Variants in FAM120B observed in about 807,000 individuals in gnomAD.
FAM120B encodes the protein family with sequence similarity 120 member B.
Under a neutral mutation model 96.3 loss-of-function variants are expected in FAM120B, and 83 were observed. The ratio of observed to expected loss-of-function variants is 0.86; its 90% CI spans 0.72 to 1.03. The LOEUF is 1.03. FAM120B is among the 50% of genes least tolerant of loss of function. FAM120B has a pLI of 0.00. For synonymous variants in FAM120B, 407 were observed against 402.7 expected (o/e 1.01, Z -0.13); for missense variants, 1,027 against 1,121.2 (o/e 0.92, Z 1.20).
intron 5 of FAM120B, among the ~76,000 whole-genome samples, chr6:170,355,420 C>G (rs1314027443): frequency 6.6e-6 from 1 of 152,122 alleles, no homozygotes; most frequent in Non-Finnish European, 1.5e-5. Flanking sequence ...TTTGCAGGGA[C>G]ATGGATGGAG....
intron 6 of FAM120B, among the ~76,000 whole-genome samples, chr6:170,368,399 C>G (rs1488118626): frequency 6.6e-6 from 1 of 152,166 alleles, no homozygotes; most frequent in Non-Finnish European, 1.5e-5. Flanking sequence ...CTCAGTGCTG[C>G]TCTTGGTGAA....
intron 6 of FAM120B, among the ~76,000 whole-genome samples, chr6:170,372,890 T>C (rs1433245896): frequency 6.6e-6 from 1 of 152,250 alleles, no homozygotes; most frequent in Non-Finnish European, 1.5e-5. Context: ...TTATTTTTGC[T>C]GTTTTGTTTA....
chr6:170,383,148 A>C (rs1790010994), intron 6 of FAM120B, among the ~76,000 whole-genome samples: 1 of 152,128 alleles, frequency 6.6e-6, no homozygotes, highest in Non-Finnish European at 1.5e-5. Context: ...CACTTTTGTA[A>C]AATTAACTCA....
Position 170,388,309 on chromosome 6 carries a change from C to T in FAM120B, c.2306C>T (p.Ala769Val), listed in dbSNP as rs777976536. ...CAGCCTGATTACATCAACCCCAGAG[C>T]CGTGCAGCTGGGCTCCCTTCTCGTC... is the stretch of plus-strand genomic sequence containing the variant. ...NLQPDYINPR[A>V]VQLGSLLVRG... Residue 769 changes from alanine to valine, a missense_variant, in exon 7 of 11, where the codon GCC becomes GTC. Ala to Val is a moderately conservative substitution (Grantham distance 64). Coordinates refer to ENST00000476287, the MANE Select transcript of FAM120B (RefSeq NM_032448.3). 1 of 1,613,962 alleles carries T rather than the reference C, an allele frequency of 6.2e-7. No homozygotes were observed. Among genetic ancestry groups the T allele is most frequent in the Non-Finnish European group, 8.5e-7 (1 of 1,180,030 alleles).
chr6:170,290,967 C>T (rs1182382453), upstream of FAM120B: 1 of 701,132 alleles, frequency 1.4e-6, no homozygotes, highest in Non-Finnish European at 2.6e-6. The surrounding 1 kb of genome is among the most constrained non-coding windows in gnomAD (Gnocchi z 4.7). Context: ...ATTCAGCCGG[C>T]CGCCCGCATG....
chr6:170,372,160 T>G (rs1278085958), intron 6 of FAM120B, among the ~76,000 whole-genome samples: 8 of 152,186 alleles, frequency 5.3e-5, no homozygotes, highest in Non-Finnish European at 8.8e-5. Context: ...AGAACATGGT[T>G]CATGCGGTCT....
intron 1 of FAM120B, among the ~76,000 whole-genome samples, chr6:170,296,474 G>A (rs1013839563): frequency 6.6e-6 from 1 of 151,840 alleles, no homozygotes; most frequent in Non-Finnish European, 1.5e-5. Context: ...GGCCCTCCCG[G>A]TGGACCCCAG....
intron 6 of FAM120B, among the ~76,000 whole-genome samples, chr6:170,387,907 G>A (rs1195697791): frequency 6.6e-6 from 1 of 152,224 alleles, no homozygotes; most frequent in African/African-American, 2.4e-5. Context: ...GATCATGTGA[G>A]CTTTTTCCTA....
At chr6:170,313,265 A>G (rs1784702752) in intron 1 of FAM120B, among the ~76,000 whole-genome samples, 2 of 152,150 alleles carry the variant, frequency 1.3e-5, no homozygotes, top group Non-Finnish European at 2.9e-5. Flanking sequence ...GTTCTCACCC[A>G]ACTGGTGTTT....
At chr6:170,355,801 A>G (rs1228048503) in intron 5 of FAM120B, among the ~76,000 whole-genome samples, 1 of 152,208 alleles carries the variant, frequency 6.6e-6, no homozygotes, top group African/African-American at 2.4e-5. Flanking sequence ...CTATTGGTTA[A>G]TATTTTCTAT....
intron 8 of FAM120B, among the ~76,000 whole-genome samples, chr6:170,392,633 T>C (rs889200463): frequency 1.3e-5 from 2 of 152,242 alleles, no homozygotes; most frequent in African/African-American, 4.8e-5. Context: ...ATTATTTTTC[T>C]TGATGGAATA....
chr6:170,340,866 C>G (rs1270053202), intron 4 of FAM120B, among the ~76,000 whole-genome samples: 1 of 152,166 alleles, frequency 6.6e-6, no homozygotes, highest in Non-Finnish European at 1.5e-5. Flanking sequence ...GAAGCTTCCT[C>G]CTAAAGGGGC....
chr6:170,388,532 C>A, intron 7 of FAM120B, 39 bp downstream of exon 7: 1 of 1,546,680 alleles, frequency 6.5e-7, no homozygotes, highest in South Asian at 1.1e-5. Flanking sequence ...AGAAACATCC[C>A]TGTAGCTCCA....
At chr6:170,368,814 C>T (rs1214412622) in intron 6 of FAM120B, among the ~76,000 whole-genome samples, 15 of 8,280 alleles carry the variant, frequency 1.8e-3, no homozygotes, top group East Asian at 0.033. Flanking sequence ...TGCTGTCTGC[C>T]GGGGCTGGGG....
chr6:170,381,289 G>T (rs1204492653), intron 6 of FAM120B, among the ~76,000 whole-genome samples: 2 of 152,168 alleles, frequency 1.3e-5, no homozygotes, highest in Non-Finnish European at 2.9e-5. Context: ...CAACTTAGAT[G>T]TAGGGGCCAA....
chr6:170,356,979 T>A (rs1176265935), intron 5 of FAM120B, among the ~76,000 whole-genome samples: 2 of 152,156 alleles, frequency 1.3e-5, no homozygotes, highest in Non-Finnish European at 2.9e-5. Flanking sequence ...CAAGCAGCAG[T>A]CAGCACCCCC....
intron 1 of FAM120B, among the ~76,000 whole-genome samples, chr6:170,296,234 T>G: frequency 1.3e-5 from 2 of 150,224 alleles, no homozygotes; most frequent in African/African-American, 2.5e-5. Context: ...TGTTGGGGGG[T>G]TAGAAGGAGG....
upstream of FAM120B, among the ~76,000 whole-genome samples, chr6:170,292,052 C>G (rs1425813734): frequency 6.6e-6 from 1 of 152,178 alleles, no homozygotes; most frequent in Non-Finnish European, 1.5e-5. This position sits in a 1 kb window ranked among gnomAD's most constrained non-coding sequence, Gnocchi z 6.6. Context: ...TATGGTAATG[C>G]AGACAGCACC....
chr6:170,378,562 T>C (rs1789717367), intron 6 of FAM120B, among the ~76,000 whole-genome samples: 1 of 152,166 alleles, frequency 6.6e-6, no homozygotes, highest in Admixed American at 6.5e-5. Context: ...TGGGTATCAG[T>C]GAGAGACGCC....
Sources: allele counts gnomAD v4.1 joint callset (sites outside exome capture counted in the v4.1 genomes callset), GRCh38; gene constraint gnomAD v4.1.1; non-coding constraint Gnocchi (gnomAD v3.1); transcripts MANE v1.5; gene names NCBI Gene and HGNC (gene_info 2026-07-23, HGNC 2026-07-21).